Variants in ABCC1 observed in about 807,000 individuals in gnomAD.
The protein encoded by ABCC1 is multidrug resistance-associated protein 1.
ABCC1 carries 83 observed loss-of-function variants against 172.9 expected under a neutral mutation model. The observed-to-expected ratio is 0.48, with a 90% CI of 0.40 to 0.58. The LOEUF is 0.58. Ranked by LOEUF, ABCC1 falls within the 20% of genes least tolerant of loss-of-function variation. The pLI is 0.00. For missense variants in ABCC1, 1,817 were observed against 2,002.7 expected (o/e 0.91, Z 1.77); for synonymous variants, 937 against 825.2 (o/e 1.14, Z -2.32).
intron 11 of ABCC1, 22 bp downstream of exon 11, chr16:16,052,838 GCC>G: frequency 6.2e-7 from 1 of 1,612,408 alleles, no homozygotes; most frequent in Non-Finnish European, 8.5e-7. Flanking sequence ...GTCTCTGCGG[GCC>G]CCCAAGCCGG....
At chr16:16,100,844 T>G (rs1373690409) in intron 19 of ABCC1, among the ~76,000 whole-genome samples, 1 of 152,124 alleles carries the variant, frequency 6.6e-6, no homozygotes, top group Non-Finnish European at 1.5e-5. Flanking sequence ...TCAGACAGAT[T>G]TATCATTTCC....
chr16:16,114,686 G>T (rs1030047852), intron 22 of ABCC1, 80 bp from the exon 23 acceptor site: 2 of 1,392,260 alleles, frequency 1.4e-6, no homozygotes, highest in African/African-American at 2.9e-5. Flanking sequence ...GGCCTGCCTC[G>T]TCCACATGGC....
intron 12 of ABCC1, among the ~76,000 whole-genome samples, chr16:16,060,139 T>C (rs1364934365): frequency 1.3e-5 from 2 of 152,206 alleles, no homozygotes; most frequent in Non-Finnish European, 2.9e-5. Flanking sequence ...TCAGGACACC[T>C]GCCACATTCT....
intron 23 of ABCC1, 85 bp from the exon 24 acceptor site, chr16:16,121,890 C>T: frequency 1.4e-6 from 2 of 1,471,504 alleles, no homozygotes; most frequent in African/African-American, 1.4e-5. Context: ...TCGGTTACGT[C>T]TAGATGTTCT....
intron 2 of ABCC1, 132 bp from the exon 3 acceptor site, chr16:16,009,644 A>ACTGGAC: frequency 1.1e-6 from 1 of 923,870 alleles, no homozygotes. Flanking sequence ...GATATGTGCC[A>ACTGGAC]TGTCCTAGGA....
At chr16:16,026,464 CCTTT>C (rs1460922788) in intron 5 of ABCC1, among the ~76,000 whole-genome samples, 3 of 102,260 alleles carry the variant, frequency 2.9e-5, no homozygotes, top group Admixed American at 1.4e-4. Flanking sequence ...AAGGCTATTT[CCTTT>C]TTTTTTTTTT....
At chr16:16,034,947 G>A (rs1025656974) in intron 6 of ABCC1, among the ~76,000 whole-genome samples, 3 of 152,102 alleles carry the variant, frequency 2.0e-5, no homozygotes, top group African/African-American at 7.2e-5. Flanking sequence ...GTGTGTTTGT[G>A]TGTGCATGTC....
intron 13 of ABCC1, 63 bp downstream of exon 13, chr16:16,068,365 T>C: frequency 1.3e-6 from 2 of 1,591,314 alleles, no homozygotes. Flanking sequence ...CACGAAAGCA[T>C]GGAAGTGCCC....
intron 19 of ABCC1, among the ~76,000 whole-genome samples, chr16:16,102,193 T>A (rs1455450294): frequency 6.6e-6 from 1 of 151,374 alleles, no homozygotes; most frequent in East Asian, 2.0e-4. Context: ...TCAAATTGGT[T>A]ATCTATTTTG....
chr16:16,046,101 T>C (rs1286994734), intron 9 of ABCC1, 88 bp downstream of exon 9: 9 of 1,446,400 alleles, frequency 6.2e-6, no homozygotes, highest in Non-Finnish European at 8.5e-6. Flanking sequence ...CGTGGGGATT[T>C]CCAGCCCAGC....
At chr16:16,052,851 G>A (rs754204788) in intron 11 of ABCC1, 35 bp downstream of exon 11, 2 of 1,606,048 alleles carry the variant, frequency 1.2e-6, no homozygotes, top group East Asian at 2.2e-5. Context: ...CCCAAGCCGG[G>A]CCCTAGGCAG....
At chr16:15,996,069 C>CG (rs2047045497) in intron 1 of ABCC1, among the ~76,000 whole-genome samples, 1 of 150,120 alleles carries the variant, frequency 6.7e-6, no homozygotes, top group Non-Finnish European at 1.5e-5. Context: ...ACCACAACCT[C>CG]CACCTCCTGG....
intron 1 of ABCC1, among the ~76,000 whole-genome samples, chr16:15,967,768 AAAAAC>A (rs2046278846): frequency 6.9e-6 from 1 of 145,112 alleles, no homozygotes; most frequent in Non-Finnish European, 1.5e-5. Flanking sequence ...CAAAAAAAAA[AAAAAC>A]AACAAAAAAA....
intron 20 of ABCC1, 61 bp from the exon 21 acceptor site, chr16:16,106,677 A>T (rs1206444710): frequency 1.9e-6 from 3 of 1,606,468 alleles, no homozygotes; most frequent in Non-Finnish European, 2.6e-6. Context: ...CCCAGCAGGG[A>T]GCCCTCCGAC....
At position 16,071,629 on chromosome 16, in the gene ABCC1, G is replaced by C. The variant is rs775331391; in HGVS notation, c.1825-13G>C. On this transcript the variant is annotated splice_polypyrimidine_tract_variant and intron_variant, in intron 13 of 30. Transcript: ENST00000399410. Reference sequence around the variant, plus strand: ...TTAAAAATAACTCTCCCCTGCCATTGCTCTCTGTACAGGCGAGTGTCTCCC... The same window carrying C: ...TTAAAAATAACTCTCCCCTGCCATTCCTCTCTGTACAGGCGAGTGTCTCCC... 9.9e-6 allele frequency: 16 copies of C among 1,611,990 alleles called. No individual in the cohort carries two copies. The highest frequency in any genetic ancestry group is 1.4e-5 in the Non-Finnish European group (16 of 1,178,632).
chr16:15,959,389 A>C (rs550906647), intron 1 of ABCC1, among the ~76,000 whole-genome samples: 1 of 152,232 alleles, frequency 6.6e-6, no homozygotes, highest in Non-Finnish European at 1.5e-5. Context: ...GCAGTGGCAC[A>C]ATCATAGCTC....
At chr16:16,117,050 A>C (rs1270516083) in intron 23 of ABCC1, among the ~76,000 whole-genome samples, 1 of 152,190 alleles carries the variant, frequency 6.6e-6, no homozygotes, top group Non-Finnish European at 1.5e-5. Context: ...ACTACTCAGA[A>C]GGGTGCACAA....
chr16:16,081,941 C>T (rs945646779), intron 16 of ABCC1, among the ~76,000 whole-genome samples: 7 of 152,142 alleles, frequency 4.6e-5, no homozygotes, highest in African/African-American at 1.7e-4. Context: ...ATCCCTTGAG[C>T]CCGGAGGCAG....
intron 9 of ABCC1, among the ~76,000 whole-genome samples, chr16:16,047,766 T>C (rs1476372762): frequency 6.6e-6 from 1 of 151,624 alleles, no homozygotes; most frequent in East Asian, 1.9e-4. Context: ...CCTGGAAGCG[T>C]AGAAATGCAG....
Sources: gnomAD v4.1 joint callset for allele counts (sites outside exome capture counted in the v4.1 genomes callset) on GRCh38, gnomAD v4.1.1 for gene constraint, MANE v1.5 for transcripts, NCBI Gene and HGNC (gene_info 2026-07-23, HGNC 2026-07-21) for gene names.